Variants in CEP57 observed in about 807,000 individuals in gnomAD.
CEP57 encodes the protein centrosomal protein 57.
Under a neutral mutation model 68.0 loss-of-function variants are expected in CEP57, and 40 were observed. The ratio of observed to expected loss-of-function variants is 0.59; its 90% confidence interval spans 0.46 to 0.77. The LOEUF (loss-of-function observed/expected upper bound fraction) is 0.77. Ranked by LOEUF, CEP57 falls within the 30% of genes least tolerant of loss-of-function variation. The pLI is 0.00. For synonymous variants in CEP57, 219 were observed against 198.7 expected (o/e 1.10, Z -0.86); for missense variants, 606 against 580.7 (o/e 1.04, Z -0.45).
chr11:95,826,292 C>T (rs993051270), intron 8 of CEP57: 2 of 152,074 alleles, frequency 1.3e-5, no homozygotes, highest in Non-Finnish European at 2.9e-5. Context: ...GCTTACAATA[C>T]ATAAAACAAA....
At chr11:95,791,040 C>T (rs1038487995) in intron 1 of CEP57, among the ~76,000 whole-genome samples, 1 of 152,184 alleles carries the variant, frequency 6.6e-6, no homozygotes, top group Non-Finnish European at 1.5e-5. Context: ...GGATAACTGC[C>T]CACTCCCTGG....
chr11:95,801,228 A>G lies in CEP57; in HGVS notation c.202+1840A>G, dbSNP rs796984960. Among the ~76,000 whole-genome samples, 4 of 152,308 alleles carry G rather than the reference A, an allele frequency of 2.6e-5. No homozygotes were observed. In the South Asian group the frequency reaches 6.2e-4, roughly 24 times the overall value. On this transcript the variant is annotated intron_variant, in intron 2 of 10. Transcript: ENST00000325542. Reference sequence around the variant, plus strand: ...ATGGGTGCTGAAAAGTGTTTACTGAAATAAAAGTAACTAAATAGTGTGATG... The same window carrying G: ...ATGGGTGCTGAAAAGTGTTTACTGAGATAAAAGTAACTAAATAGTGTGATG...
chr11:95,830,617 C>G (rs2135382291), intron 10 of CEP57, among the ~76,000 whole-genome samples: 1 of 152,204 alleles, frequency 6.6e-6, no homozygotes, highest in South Asian at 2.1e-4. Context: ...GAATATCTTT[C>G]TCCTCTTCTC....
intron 2 of CEP57, among the ~76,000 whole-genome samples, chr11:95,801,740 T>C (rs1317691077): frequency 1.3e-5 from 2 of 151,776 alleles, no homozygotes; most frequent in South Asian, 2.1e-4. Flanking sequence ...AGAAAAATTT[T>C]AGCACAGCAT....
In CEP57 at chr11:95,813,106, A is replaced by G. The variant is rs781572260; in HGVS notation, c.377A>G (p.Asn126Ser). ...TCAAAGAATGAGGAATCAAAGCACA[A>G]TCAAGGTTTGTTGATGAAGAAAATT... ...ENSKNEESKH[N>S]QELTSQLLAA... The change falls in exon 3 of 11, where the codon AAT becomes AGT. Residue 126 changes from asparagine (N) to serine (S), a missense_variant. Transcript: ENST00000325542. The G allele has an allele frequency of 1.2e-6, 2 of 1,612,414 alleles. No individual in the cohort carries two copies. The highest frequency in any genetic ancestry group is 1.7e-5 in the Admixed American group (1 of 60,026).
chr11:95,831,267 G>A lies in CEP57; in HGVS notation c.*11G>A, dbSNP rs757844254. 5 of 1,580,234 alleles carry A rather than the reference G, an allele frequency of 3.2e-6. No homozygotes were observed. Among genetic ancestry groups the A allele is most frequent in the Non-Finnish European group, 4.3e-6 (5 of 1,150,280 alleles). On this transcript the variant is annotated 3_prime_UTR_variant, in exon 11 of 11. Transcript: ENST00000325542. ...TGTTGGGATTACTGACTCATAACCA[G>A]GTCAGAAATTTTATTCAGATAATCT...
At chr11:95,829,571 T>C (rs973978049) in intron 10 of CEP57, among the ~76,000 whole-genome samples, 1 of 152,236 alleles carries the variant, frequency 6.6e-6, no homozygotes, top group African/African-American at 2.4e-5. Context: ...TAATATTCTT[T>C]ATGAATAAGC....
intron 2 of CEP57, among the ~76,000 whole-genome samples, chr11:95,800,303 T>G (rs1861518366): frequency 6.6e-6 from 1 of 152,212 alleles, no homozygotes; most frequent in South Asian, 2.1e-4. Context: ...GAGGACAGTC[T>G]TTGCTCCTAG....
Position 95,813,109 on chromosome 11 carries a change from A to C in CEP57, c.380A>C (p.Gln127Pro). Residue 127 changes from glutamine to proline, a missense_variant and splice_region_variant, in exon 3 of 11, where the codon CAA (glutamine) becomes CCA (proline). By Grantham distance (76) the Gln-to-Pro change is moderately conservative (BLOSUM62 -1). Transcript: ENST00000325542. Reference protein sequence around the residue: ...NSKNEESKHNQELTSQLLAAE... With the variant: ...NSKNEESKHNPELTSQLLAAE... ...AAGAATGAGGAATCAAAGCACAATC[A>C]AGGTTTGTTGATGAAGAAAATTAAA... The C allele has an allele frequency of 6.2e-7, 1 of 1,612,266 alleles. No individual in the cohort carries two copies. Among genetic ancestry groups the C allele is most frequent in the South Asian group, 1.1e-5 (1 of 90,946 alleles).
In CEP57 at chr11:95,813,487, A is replaced by C; in HGVS notation, c.402A>C (p.Leu134Phe). 1 of 1,612,434 alleles carries C rather than the reference A, an allele frequency of 6.2e-7. No homozygotes were observed. Among genetic ancestry groups the C allele is most frequent in the Non-Finnish European group, 8.5e-7 (1 of 1,179,810 alleles). ...TTTTAGAACTGACATCTCAGTTGTT[A>C]GCTGCAGAAAATAAATGCAATCTAT... ...KHNQELTSQL[L>F]AAENKCNLLE... Residue 134 changes from leucine (L) to phenylalanine (F), a missense_variant, in exon 4 of 11, where the codon TTA becomes TTC. Transcript: ENST00000325542.
At chr11:95,818,446 C>T (rs943708020) in intron 5 of CEP57, among the ~76,000 whole-genome samples, 6 of 151,962 alleles carry the variant, frequency 3.9e-5, no homozygotes, top group Admixed American at 3.9e-4. Context: ...TTTGAGTATC[C>T]TTAAGGCTTG....
At chr11:95,808,790 A>G (rs1228701064) in intron 2 of CEP57, among the ~76,000 whole-genome samples, 1 of 152,224 alleles carries the variant, frequency 6.6e-6, no homozygotes, top group East Asian at 1.9e-4. Flanking sequence ...CATTAGACAG[A>G]TCAGCGAGAC....
At chr11:95,794,677 A>G (rs1555044385) in intron 1 of CEP57, among the ~76,000 whole-genome samples, 1 of 151,892 alleles carries the variant, frequency 6.6e-6, no homozygotes, top group Non-Finnish European at 1.5e-5. Flanking sequence ...ATATCTTTCG[A>G]TTAATAGTTG....
intron 2 of CEP57, among the ~76,000 whole-genome samples, chr11:95,808,427 T>G (rs529037495): frequency 1.3e-5 from 2 of 152,278 alleles, no homozygotes; most frequent in African/African-American, 2.4e-5. Context: ...ACTGGCAAAT[T>G]GGATACCAAG....
chr11:95,828,043 T>C lies in CEP57; in HGVS notation c.1127+16T>C. The C allele has an allele frequency of 6.2e-7, 1 of 1,608,018 alleles. No homozygotes were observed. Among genetic ancestry groups the C allele is most frequent in the Non-Finnish European group, 8.5e-7 (1 of 1,176,918 alleles). On this transcript the variant is annotated intron_variant, in intron 9 of 10. Coordinates refer to ENST00000325542, the MANE Select transcript of CEP57 (RefSeq NM_014679.5). ...AAATGAGCTTGTGAGTTTTTGTTTT[T>C]TTTTTTAAATTCAGTTTAGCTCTAA...
intron 1 of CEP57, chr11:95,794,306 A>T (rs1861237277): frequency 2.2e-6 from 1 of 455,830 alleles, no homozygotes; most frequent in African/African-American, 2.0e-5. Flanking sequence ...TCAAGAAAGA[A>T]GAGAGAGAAA....
chr11:95,791,428 G>A (rs759218086), intron 1 of CEP57, among the ~76,000 whole-genome samples: 2 of 152,210 alleles, frequency 1.3e-5, no homozygotes, highest in Non-Finnish European at 2.9e-5. Flanking sequence ...TCAAATTGGA[G>A]TGTCGAATGC....
At chr11:95,825,715 G>A (rs1862710951) in intron 8 of CEP57, 1 of 150,720 alleles carries the variant, frequency 6.6e-6, no homozygotes, top group Non-Finnish European at 1.5e-5. Flanking sequence ...TCCCACCTCA[G>A]CCTCCCAAGT....
intron 2 of CEP57, among the ~76,000 whole-genome samples, chr11:95,812,564 T>C (rs927813415): frequency 6.6e-6 from 1 of 151,820 alleles, no homozygotes; most frequent in Admixed American, 6.6e-5. Context: ...TGCCTCAGCC[T>C]CCCGAGTAGC....
Sources: allele counts gnomAD v4.1 joint callset (sites outside exome capture counted in the v4.1 genomes callset), GRCh38; gene constraint gnomAD v4.1.1; transcripts MANE v1.5; gene names NCBI Gene and HGNC (gene_info 2026-07-23, HGNC 2026-07-21).